FRMD6: variants seen among roughly 807,000 people sequenced by gnomAD.
The protein encoded by FRMD6 is FERM domain-containing protein 6.
Under a neutral mutation model 73.2 loss-of-function variants are expected in FRMD6, and 37 were observed. The ratio of observed to expected loss-of-function variants is 0.51; its 90% CI spans 0.39 to 0.66. The LOEUF (loss-of-function observed/expected upper bound fraction) is 0.66. FRMD6 is among the 30% of genes least tolerant of loss of function. The pLI is 0.00. For synonymous variants in FRMD6, 273 were observed against 282.2 expected (o/e 0.97, Z 0.33); for missense variants, 714 against 780.5 (o/e 0.91, Z 1.02).
At chr14:51,694,024 A>T (rs1490907799) in intron 2 of FRMD6, among the ~76,000 whole-genome samples, 2 of 152,156 alleles carry the variant, frequency 1.3e-5, no homozygotes, top group Non-Finnish European at 2.9e-5. Context: ...TTTATTAACT[A>T]ATTTTTTCAT....
At chr14:51,553,258 C>G (rs1886940463) in intron 1 of FRMD6, among the ~76,000 whole-genome samples, 1 of 152,166 alleles carries the variant, frequency 6.6e-6, no homozygotes, top group Admixed American at 6.5e-5. Flanking sequence ...AGGATAATAG[C>G]ATCTGCTCAT....
chr14:51,611,524 G>A (rs905373568), intron 2 of FRMD6, among the ~76,000 whole-genome samples: 6 of 152,108 alleles, frequency 3.9e-5, no homozygotes, highest in Non-Finnish European at 8.8e-5. Context: ...CCTAAAGTAC[G>A]GTCAAGATTG....
At chr14:51,577,590 A>G (rs1391675628) in intron 2 of FRMD6, among the ~76,000 whole-genome samples, 1 of 152,202 alleles carries the variant, frequency 6.6e-6, no homozygotes, top group African/African-American at 2.4e-5. Flanking sequence ...ATAGATCTGG[A>G]TAATTGGTAC....
At chr14:51,596,009 C>T (rs955173585) in intron 2 of FRMD6, among the ~76,000 whole-genome samples, 14 of 152,098 alleles carry the variant, frequency 9.2e-5, no homozygotes, top group South Asian at 4.1e-4. Context: ...CATAGCCACC[C>T]GCTGTTTTCT....
chr14:51,551,849 T>C (rs1450293673), intron 1 of FRMD6, among the ~76,000 whole-genome samples: 2 of 152,072 alleles, frequency 1.3e-5, no homozygotes, highest in Admixed American at 6.5e-5. Flanking sequence ...TAAGTATATG[T>C]TAAAATATTT....
chr14:51,591,188 G>A (rs182640277), intron 2 of FRMD6, among the ~76,000 whole-genome samples: 79 of 152,272 alleles, frequency 5.2e-4, no homozygotes, highest in Admixed American at 2.2e-3. Flanking sequence ...TCCATACTGC[G>A]TCTTTGTGTA....
At chr14:51,700,538 C>A (rs910730251) in intron 3 of FRMD6, among the ~76,000 whole-genome samples, 2 of 152,008 alleles carry the variant, frequency 1.3e-5, no homozygotes, top group African/African-American at 4.8e-5. Flanking sequence ...GGAACACGGA[C>A]AAGAAATAGT....
At chr14:51,587,171 T>C (rs1755943297) in intron 2 of FRMD6, among the ~76,000 whole-genome samples, 1 of 152,214 alleles carries the variant, frequency 6.6e-6, no homozygotes, top group Admixed American at 6.5e-5. Flanking sequence ...CCAGTATATA[T>C]TTTTGATGAC....
rs1313797609 is a variant in FRMD6 at position 51,497,629 on chromosome 14, T to C, written c.-210+8209T>C. On this transcript the variant is annotated intron_variant, in intron 1 of 14. Coordinates refer to the FRMD6 transcript ENST00000356218. ...GATGAAATTGTAATATATTATTAGA[T>C]GCAGTGTATCTAAAACATTATCATT... Among the ~76,000 whole-genome samples the C allele has an allele frequency of 2.0e-5, 3 of 152,338 alleles. No individual in the cohort carries two copies. In the East Asian group the frequency reaches 5.8e-4, roughly 29 times the overall value.
chr14:51,722,770 T>A (rs1176714970), intron 12 of FRMD6, among the ~76,000 whole-genome samples: 2 of 152,264 alleles, frequency 1.3e-5, no homozygotes, highest in Non-Finnish European at 2.9e-5. Context: ...TGAATCAGTC[T>A]GTTCTTTAGA....
the FRMD6 span, among the ~76,000 whole-genome samples, chr14:51,448,658 A>G: frequency 1.3e-5 from 2 of 152,326 alleles, no homozygotes; most frequent in Non-Finnish European, 2.9e-5. Flanking sequence ...GTTGGCTTGT[A>G]CTGCTCTGTC....
chr14:51,418,015 G>A, the FRMD6 span, among the ~76,000 whole-genome samples: 2 of 152,104 alleles, frequency 1.3e-5, no homozygotes, highest in Admixed American at 6.5e-5. Flanking sequence ...GTCATTTAAG[G>A]TCTTCTCTAC....
rs114539403 is a variant in FRMD6, at chr14:51,579,728, G to A, written c.-147+9318G>A. Among the ~76,000 whole-genome samples the A allele has an allele frequency of 5.4e-3, 819 of 152,254 alleles. 10 individuals are homozygous for A. Among genetic ancestry groups the A allele is most frequent in the African/African-American group, 0.019 (788 of 41,546 alleles). ...GAATCCTGCTTTTCAACTTGCCAGT[G>A]TATTCCTCCTCTCTCACTGTTCACC... On this transcript the variant is annotated intron_variant, in intron 2 of 14. Coordinates refer to the FRMD6 transcript ENST00000356218.
intron 2 of FRMD6, among the ~76,000 whole-genome samples, chr14:51,604,273 C>G (rs762684663): frequency 3.0e-4 from 46 of 152,132 alleles, no homozygotes; most frequent in Non-Finnish European, 5.6e-4. Flanking sequence ...ACCGGAGATT[C>G]CAAGATGTGT....
chr14:51,475,923 G>T, the FRMD6 span, among the ~76,000 whole-genome samples: 1 of 152,120 alleles, frequency 6.6e-6, no homozygotes, highest in African/African-American at 2.4e-5. Flanking sequence ...GTAAGCACGT[G>T]CTTACATGCT....
In FRMD6 at chr14:51,655,861, G is replaced by A. The variant is rs77461859; in HGVS notation, c.-147+3865G>A. 2.8e-3 allele frequency among the ~76,000 whole-genome samples: 423 copies of A among 152,292 alleles called. 1 individual carries two copies. The highest frequency in any genetic ancestry group is 9.5e-3 in the African/African-American group (393 of 41,548). ...CTTTGTGTTGAATCACTAGTTTGGT[G>A]TTAAATAATGTGCAGGGACTGGATG... On this transcript the variant is annotated intron_variant, in intron 1 of 13. Coordinates refer to ENST00000344768, the MANE Select transcript of FRMD6 (RefSeq NM_001267046.2).
intron 1 of FRMD6, among the ~76,000 whole-genome samples, chr14:51,529,518 G>A (rs1885460756): frequency 1.3e-5 from 2 of 152,162 alleles, no homozygotes; most frequent in South Asian, 4.1e-4. Flanking sequence ...GCACTGTGCT[G>A]GCCAGGCATT....
chr14:51,426,166 G>A, the FRMD6 span, among the ~76,000 whole-genome samples: 1 of 152,094 alleles, frequency 6.6e-6, no homozygotes. Context: ...ACTGCTTGGT[G>A]ACTTTTTCTT....
chr14:51,562,676 C>G (rs1448343697), intron 1 of FRMD6, among the ~76,000 whole-genome samples: 1 of 152,046 alleles, frequency 6.6e-6, no homozygotes, highest in Non-Finnish European at 1.5e-5. Flanking sequence ...AATATATTAC[C>G]AAGAAGATTT....
Sources: gnomAD v4.1 joint callset for allele counts (sites outside exome capture counted in the v4.1 genomes callset) on GRCh38, gnomAD v4.1.1 for gene constraint, MANE v1.5 for transcripts, NCBI Gene and HGNC (gene_info 2026-07-23, HGNC 2026-07-21) for gene names.